The following PCLO variants were observed in gnomAD, a reference collection of about 807,000 sequenced individuals.
PCLO encodes piccolo presynaptic cytomatrix protein, also known as protein piccolo.
A neutral mutation model predicts 427.5 loss-of-function variants in PCLO; 82 were observed. The ratio of observed to expected loss-of-function variants is 0.19; its 90% CI spans 0.16 to 0.23. PCLO has a LOEUF of 0.23. PCLO is among the 10% of genes least tolerant of loss of function. PCLO has a pLI of 1.00. For synonymous variants in PCLO, 2,357 were observed against 2,155.4 expected (o/e 1.09, Z -2.59); for missense variants, 6,239 against 6,115.9 (o/e 1.02, Z -0.67).
intron 3 of PCLO, among the ~76,000 whole-genome samples, chr7:83,100,777 A>G (rs1239986639): frequency 1.3e-5 from 2 of 152,192 alleles, no homozygotes; most frequent in African/African-American, 4.8e-5. Context: ...CCTATGTAAC[A>G]AACCTGTACT....
At position 82,902,726 on chromosome 7, in the gene PCLO, C is replaced by G. The variant is rs779928348; in HGVS notation, c.13453G>C (p.Gly4485Arg). 3 of 1,586,422 alleles carry G rather than the reference C, an allele frequency of 1.9e-6. No homozygotes were observed. The South Asian group carries it at 3.3e-5, about 18-fold the overall frequency. ...QHQEQIIQMN[G>R]KTMHYIFPHA... The stretch of plus-strand genomic sequence containing the variant: ...GGAAAGATGTAGTGCATAGTTTTCC[C>G]GTTCATCTGTATAATCTAAGACATA... The change falls in exon 9 of 25, where the codon GGG (glycine) becomes CGG (arginine). Residue 4485 changes from glycine (G) to arginine (R), a missense_variant. Physicochemically the swap from Gly to Arg is moderately radical, Grantham distance 125. Transcript: ENST00000333891.
chr7:82,847,939 A>G (rs747286178), intron 10 of PCLO, among the ~76,000 whole-genome samples: 1 of 152,162 alleles, frequency 6.6e-6, no homozygotes, highest in African/African-American at 2.4e-5. Flanking sequence ...CATTTGAACA[A>G]GGAACCCACA....
intron 3 of PCLO, among the ~76,000 whole-genome samples, chr7:82,973,711 A>T (rs1795956216): frequency 7.4e-6 from 1 of 135,998 alleles, no homozygotes; most frequent in African/African-American, 3.2e-5. Flanking sequence ...AAGGCAGATT[A>T]AAAAAAAAAA....
Position 82,758,273 on chromosome 7 carries a change from A to T in PCLO, c.*302T>A, listed in dbSNP as rs561791039. On this transcript the variant is annotated 3_prime_UTR_variant, in exon 25 of 25. Coordinates refer to ENST00000333891, the MANE Select transcript of PCLO (RefSeq NM_033026.6). Reference sequence around the variant, plus strand: ...TGAGCCTGTCTTAAGCTATAGCTCAACTCTACTCAAAGATTATTGTCTTAA... The same window carrying T: ...TGAGCCTGTCTTAAGCTATAGCTCATCTCTACTCAAAGATTATTGTCTTAA... The T allele has an allele frequency of 1.3e-5, 3 of 223,436 alleles. No individual in the cohort carries two copies. Among genetic ancestry groups the T allele is most frequent in the Non-Finnish European group, 2.6e-5 (3 of 115,266 alleles). 13.8% of individuals were successfully genotyped at this position (223,436 alleles called of 1,614,324 possible). A position where few individuals can be genotyped will look rare whatever the true frequency, so the allele number is the denominator to read the frequency against.
rs554582668 is a variant in PCLO at position 82,997,128 on chromosome 7, T to C, written c.3301-30641A>G. 7.2e-5 allele frequency among the ~76,000 whole-genome samples: 11 copies of C among 152,006 alleles called. No individual in the cohort carries two copies. The Admixed American group carries it at 7.2e-4, about 10-fold the overall frequency. ...TGGGTCATCACTACACTTCAATGGA[T>C]AATAACACCTAGGACTTCAATGAAC... is the stretch of plus-strand genomic sequence containing the variant. On this transcript the variant is annotated intron_variant, in intron 3 of 24. Coordinates refer to ENST00000333891, the MANE Select transcript of PCLO (RefSeq NM_033026.6).
chr7:83,157,000 T>C (rs190482848), intron 1 of PCLO, among the ~76,000 whole-genome samples: 1 of 152,270 alleles, frequency 6.6e-6, no homozygotes, highest in African/African-American at 2.4e-5. Context: ...GGAGTTTACA[T>C]GATGCTTTCC....
chr7:82,913,039 AAAGT>A (rs753255774), intron 7 of PCLO, among the ~76,000 whole-genome samples: 6 of 152,002 alleles, frequency 3.9e-5, no homozygotes, highest in Non-Finnish European at 8.8e-5. Flanking sequence ...TGGATTGTAA[AAAGT>A]AAGGAAATAT....
rs140474120 is a variant in PCLO at position 82,928,617 on chromosome 7, C to G, written c.11113-11744G>C. Among the ~76,000 whole-genome samples the G allele has an allele frequency of 2.3e-3, 355 of 152,246 alleles. 5 individuals are homozygous for G. In the East Asian group the frequency reaches 0.028, roughly 12 times the overall value. On this transcript the variant is annotated intron_variant, in intron 6 of 24. Transcript: ENST00000333891. The stretch of plus-strand genomic sequence containing the variant: ...CTCGAACTCCTGACCTCAGGTAATC[C>G]ACCCGCCTCGGCCTCCCAAAATGCT...
Position 83,162,682 on chromosome 7 carries a change from G to T in PCLO, c.-90C>A. On this transcript the variant is annotated 5_prime_UTR_variant, in exon 1 of 25. Transcript: ENST00000333891. ...GGCCAGGGGAGCAGTCAGAGCCGGG[G>T]TCCGCCTCGGGGCGTGCAGGCAGCC... The T allele has an allele frequency of 1.4e-6, 2 of 1,439,188 alleles. No homozygotes were observed. The highest frequency in any genetic ancestry group is 2.9e-5 in the South Asian group (2 of 69,166). 89.2% of individuals were successfully genotyped at this position (1,439,188 alleles called of 1,614,324 possible).
intron 10 of PCLO, among the ~76,000 whole-genome samples, chr7:82,856,125 G>A (rs1792799272): frequency 6.6e-6 from 1 of 152,070 alleles, no homozygotes; most frequent in African/African-American, 2.4e-5. Context: ...CAGTGTTCTA[G>A]AATGTGTAAT....
chr7:82,886,605 T>C (rs1197429520), intron 9 of PCLO, among the ~76,000 whole-genome samples: 1 of 152,166 alleles, frequency 6.6e-6, no homozygotes, highest in Non-Finnish European at 1.5e-5. Flanking sequence ...GAACCTGTTC[T>C]CATCAAAATC....
chr7:82,953,951 G>A lies in PCLO; in HGVS notation c.7002C>T (p.Ser2334=), dbSNP rs748532782. ...GGTGATCAAACACGGTTTCGGATAA[G>A]CTACTTTTTGTTCGTTCGGCCTCCA... The part of the protein sequence containing the change: ...KELEAERTKS[S]LSETVFDHPP... The change falls in exon 5 of 25, where the codon AGC becomes AGT. Residue 2334 remains serine (S), a synonymous_variant. Transcript: ENST00000333891. The A allele has an allele frequency of 3.1e-6, 5 of 1,613,808 alleles. No homozygotes were observed. Among genetic ancestry groups the A allele is most frequent in the Non-Finnish European group, 4.2e-6 (5 of 1,179,860 alleles).
Position 82,955,152 on chromosome 7 carries a change from G to A in PCLO, c.5801C>T (p.Ala1934Val). 1.2e-6 allele frequency: 2 copies of A among 1,613,678 alleles called. No homozygotes were observed. Among genetic ancestry groups the A allele is most frequent in the East Asian group, 4.5e-5 (2 of 44,848 alleles). ...TTCAAACACTTCATCTCGTTCATTT[G>A]CAGCTGGAAAAGCTTTGTATTTGTG... Reference protein sequence around the residue: ...KTHKYKAFPAANERDEVFEKE... With the variant: ...KTHKYKAFPAVNERDEVFEKE... Residue 1934 changes from alanine (A) to valine (V), a missense_variant, in exon 5 of 25, where the codon GCA (alanine) becomes GTA (valine). By Grantham distance (64) the Ala-to-Val change is moderately conservative (BLOSUM62 0). This residue lies in a region of PCLO where 4,677 missense variants were observed against 4,468.4 expected (regional missense o/e 1.05). Coordinates refer to ENST00000333891, the MANE Select transcript of PCLO (RefSeq NM_033026.6).
At chr7:82,787,106 A>G (rs1791001334) in intron 22 of PCLO, among the ~76,000 whole-genome samples, 1 of 151,912 alleles carries the variant, frequency 6.6e-6, no homozygotes, top group South Asian at 2.1e-4. Context: ...ATACCCAGTA[A>G]TGGGATTGCT....
intron 20 of PCLO, among the ~76,000 whole-genome samples, chr7:82,818,278 T>C (rs762129053): frequency 6.6e-6 from 1 of 152,198 alleles, no homozygotes; most frequent in African/African-American, 2.4e-5. Flanking sequence ...CCATATTTTA[T>C]GCTAGTTCAA....
intron 22 of PCLO, among the ~76,000 whole-genome samples, chr7:82,793,410 T>C (rs1027384252): frequency 5.9e-5 from 9 of 152,092 alleles, no homozygotes; most frequent in Non-Finnish European, 1.3e-4. Flanking sequence ...GTTGCACCCA[T>C]ATGTTGAGAA....
chr7:82,985,756 G>C (rs1380693613), intron 3 of PCLO, among the ~76,000 whole-genome samples: 1 of 151,892 alleles, frequency 6.6e-6, no homozygotes. Flanking sequence ...GAATGTGTAA[G>C]GGTAGAAAGT....
At position 82,956,460 on chromosome 7, in the gene PCLO, T is replaced by G; in HGVS notation, c.4493A>C (p.Glu1498Ala). 6.2e-7 allele frequency: 1 copy of G among 1,613,850 alleles called. No homozygotes were observed. Among genetic ancestry groups the G allele is most frequent in the Non-Finnish European group, 8.5e-7 (1 of 1,179,828 alleles). Residue 1498 changes from glutamate (E) to alanine (A), a missense_variant, in exon 5 of 25, where the codon GAG becomes GCG. Glu to Ala is a moderately radical substitution (Grantham distance 107, BLOSUM62 -1). Coordinates refer to ENST00000333891, the MANE Select transcript of PCLO (RefSeq NM_033026.6). ...TCTAGTAGTTATGTCATCAACAAAC[T>G]CAGACTTCTCTTTATGGTCCTTGCT... ...PSSKDHKEKSEFVDDITTRRE... is the reference protein window; with the variant it reads ...PSSKDHKEKSAFVDDITTRRE...
chr7:83,058,457 C>T (rs924174915), intron 3 of PCLO, among the ~76,000 whole-genome samples: 4 of 152,152 alleles, frequency 2.6e-5, no homozygotes, highest in Admixed American at 1.3e-4. Flanking sequence ...AACATACAGT[C>T]TGACATCAAT....
Sources: allele counts gnomAD v4.1 joint callset (sites outside exome capture counted in the v4.1 genomes callset), GRCh38; gene constraint gnomAD v4.1.1; regional missense constraint gnomAD v4.1.1; transcripts MANE v1.5; gene names NCBI Gene and HGNC (gene_info 2026-07-23, HGNC 2026-07-21).